The following INSR variants were observed in gnomAD, a reference collection of about 807,000 sequenced individuals.
The protein encoded by INSR is insulin receptor.
In INSR, 67 loss-of-function variants were observed where a neutral mutation model predicts 142.6. The ratio of observed to expected loss-of-function variants is 0.47; its 90% CI spans 0.39 to 0.58. The LOEUF (loss-of-function observed/expected upper bound fraction) is 0.58. Among genes scored for constraint, INSR ranks in the 20% least tolerant of loss-of-function variants. The pLI is 0.00. For synonymous variants in INSR, 756 were observed against 743.1 expected (o/e 1.02, Z -0.28); for missense variants, 1,248 against 1,833.2 (o/e 0.68, Z 5.83).
rs964570466 is a variant in INSR, at chr19:7,116,551, A to G, written c.*505T>C. On this transcript the variant is annotated 3_prime_UTR_variant, in exon 22 of 22. Coordinates refer to ENST00000302850, the MANE Select transcript of INSR (RefSeq NM_000208.4). ...CCTTCAGCCTGGATGAGAGAAAAAA[A>G]AAAAACCAAAAAAACCATCTTGAAG... is the stretch of plus-strand genomic sequence containing the variant. The G allele has an allele frequency of 6.6e-6, 1 of 151,980 alleles. No homozygotes were observed. The highest frequency in any genetic ancestry group is 1.9e-4 in the East Asian group (1 of 5,144). 9.4% of individuals were successfully genotyped at this position (151,980 alleles called of 1,614,324 possible).
chr19:7,235,178 T>G (rs1976119099), intron 2 of INSR, among the ~76,000 whole-genome samples: 1 of 152,142 alleles, frequency 6.6e-6, no homozygotes, highest in Non-Finnish European at 1.5e-5. Context: ...TGACTTCTCC[T>G]TTGGCACTTA....
chr19:7,270,167 C>A (rs1967869453), intron 1 of INSR, among the ~76,000 whole-genome samples: 1 of 152,072 alleles, frequency 6.6e-6, no homozygotes. Flanking sequence ...CCAGGATGAT[C>A]CTGATCTCCT....
At chr19:7,158,981 C>T (rs1973683516) in intron 9 of INSR, among the ~76,000 whole-genome samples, 1 of 152,102 alleles carries the variant, frequency 6.6e-6, no homozygotes, top group South Asian at 2.1e-4. Flanking sequence ...CGGCTCACTG[C>T]AACCTCTGCC....
chr19:7,221,048 G>T (rs1051282875), intron 2 of INSR, among the ~76,000 whole-genome samples: 7 of 152,142 alleles, frequency 4.6e-5, no homozygotes, highest in African/African-American at 1.7e-4. Context: ...CCTGCTCCCT[G>T]TCAGGACTCT....
intron 2 of INSR, among the ~76,000 whole-genome samples, chr19:7,250,493 G>A (rs1976689928): frequency 6.8e-6 from 1 of 146,882 alleles, no homozygotes; most frequent in Non-Finnish European, 1.5e-5. Context: ...GAGAAGGAAG[G>A]AAGGAAAGAG....
Position 7,245,481 on chromosome 19 carries a change from G to A in INSR, c.652+21864C>T, listed in dbSNP as rs563891984. Among the ~76,000 whole-genome samples, 8 of 152,070 alleles carry A rather than the reference G, an allele frequency of 5.3e-5. No individual in the cohort carries two copies. The South Asian group carries it at 1.7e-3, about 32-fold the overall frequency. On this transcript the variant is annotated intron_variant, in intron 2 of 21. Transcript: ENST00000302850. ...ATTCTTTTTTTGAAGACAGAATCTC[G>A]CTCTGTCACCCAGACTCAAGTGCAG...
At chr19:7,135,296 T>C (rs937856318) in intron 13 of INSR, among the ~76,000 whole-genome samples, 6 of 134,504 alleles carry the variant, frequency 4.5e-5, no homozygotes, top group Non-Finnish European at 9.4e-5. Context: ...AAAGGGGAAA[T>C]GCATCTTCTT....
intron 2 of INSR, among the ~76,000 whole-genome samples, chr19:7,195,687 T>A (rs1974725766): frequency 6.6e-6 from 1 of 150,540 alleles, no homozygotes. Flanking sequence ...TAAAAGCCAA[T>A]GTTGGGAAAG....
chr19:7,168,128 T>TGA lies in INSR; in HGVS notation c.1484-35_1484-34insTC. On this transcript the variant is annotated intron_variant, in intron 6 of 21. Transcript: ENST00000302850. This position sits in a 1 kb window ranked among gnomAD's most constrained non-coding sequence, Gnocchi z 4.3. ...GTTAAAACAAAAGGCAAAAATGAGC[T>TGA]ATTTCAGTGTAGTTTCAGACCAAAG... 1 of 1,610,850 alleles carries TGA rather than the reference T, an allele frequency of 6.2e-7. No individual in the cohort carries two copies. The highest frequency in any genetic ancestry group is 8.5e-7 in the Non-Finnish European group (1 of 1,177,772).
At chr19:7,180,900 G>A (rs962768444) in intron 3 of INSR, among the ~76,000 whole-genome samples, 2 of 152,070 alleles carry the variant, frequency 1.3e-5, no homozygotes, top group Admixed American at 1.3e-4. Flanking sequence ...GGAAGCCACC[G>A]GAGGGTTTTA....
chr19:7,125,436 G>A lies in INSR; in HGVS notation c.3105C>T (p.Gly1035=). Residue 1035 remains glycine (G), a synonymous_variant, in exon 17 of 22, where the codon GGC becomes GGT. Coordinates refer to ENST00000302850, the MANE Select transcript of INSR (RefSeq NM_000208.4). This position sits in a 1 kb window ranked among gnomAD's most constrained non-coding sequence, Gnocchi z 4.9. ...CCCTGGCATTGCCCTCATACACCAT[G>A]CCGAAGGAGCCCTGCCCCAGCTCTC... ...LLRELGQGSF[G]MVYEGNARDI... The A allele has an allele frequency of 1.2e-6, 2 of 1,614,114 alleles. No individual in the cohort carries two copies. Among genetic ancestry groups the A allele is most frequent in the East Asian group, 4.5e-5 (2 of 44,868 alleles).
chr19:7,134,267 T>A (rs11669671), intron 13 of INSR, among the ~76,000 whole-genome samples: 20,696 of 152,194 alleles, frequency 0.14, 1,580 homozygotes, highest in African/African-American at 0.2. Context: ...GCAGAATATT[T>A]TTGCCATGTA....
chr19:7,293,258 C>T (rs1438534740), intron 1 of INSR, among the ~76,000 whole-genome samples: 2 of 152,226 alleles, frequency 1.3e-5, no homozygotes, highest in African/African-American at 4.8e-5. Flanking sequence ...GACCTAGAGT[C>T]CGGGGTGGCC....
chr19:7,162,777 G>A (rs927781748), intron 9 of INSR, among the ~76,000 whole-genome samples: 6 of 151,946 alleles, frequency 3.9e-5, no homozygotes, highest in Admixed American at 6.6e-5. Flanking sequence ...CCAAGGTCGC[G>A]TCATTGCACT....
rs1973631398 is a variant in INSR at position 7,157,654 on chromosome 19, C to T, written c.2030-4727G>A. Among the ~76,000 whole-genome samples, 5 of 152,084 alleles carry T rather than the reference C, an allele frequency of 3.3e-5. No individual in the cohort carries two copies. In the South Asian group the frequency reaches 8.3e-4, roughly 25 times the overall value. On this transcript the variant is annotated intron_variant, in intron 9 of 21. Transcript: ENST00000302850. The stretch of plus-strand genomic sequence containing the variant: ...ACCCACGGTGCAAGCACAGTTATGC[C>T]TCTGGTACAGCCACTGAGATGGACG...
At position 7,257,527 on chromosome 19, in the gene INSR, C is replaced by CAAA. The variant is rs55712056; in HGVS notation, c.652+9815_652+9817dup. Among the ~76,000 whole-genome samples the CAAA allele has an allele frequency of 2.0e-4, 17 of 85,186 alleles. No individual in the cohort carries two copies. In the East Asian group the frequency reaches 3.1e-3, roughly 16 times the overall value. 55.9% of individuals were successfully genotyped at this position (85,186 alleles called of 152,430 possible). A position where few individuals can be genotyped will look rare whatever the true frequency, so the allele number is the denominator to read the frequency against. On this transcript the variant is annotated intron_variant, in intron 2 of 21. Transcript: ENST00000302850. The stretch of plus-strand genomic sequence containing the variant: ...CCTCCTCCACCCAAACAGAGAGCTC[C>CAAA]AAAAAAAAAAAAAAAAAATGCTAAT...
At chr19:7,195,728 A>C (rs563532047) in intron 2 of INSR, among the ~76,000 whole-genome samples, 5 of 152,036 alleles carry the variant, frequency 3.3e-5, no homozygotes, top group Admixed American at 6.6e-5. Context: ...GTGCGGACTT[A>C]AGAGACAGCA....
At chr19:7,178,246 G>C (rs557380378) in intron 3 of INSR, among the ~76,000 whole-genome samples, 9 of 126,564 alleles carry the variant, frequency 7.1e-5, no homozygotes, top group Middle Eastern at 3.8e-3. Context: ...TGACTTGTGG[G>C]GGGGGGGGTG....
In INSR at chr19:7,117,109, C is replaced by T; in HGVS notation, c.4096G>A (p.Gly1366Arg). 3 of 1,614,112 alleles carry T rather than the reference C, an allele frequency of 1.9e-6. No homozygotes were observed. The highest frequency in any genetic ancestry group is 2.2e-5 in the East Asian group (1 of 44,880). Residue 1366 changes from glycine (G) to arginine (R), a missense_variant, in exon 22 of 22, where the codon GGA (glycine) becomes AGA (arginine). This residue lies in a region of INSR where 122 missense variants were observed against 129.8 expected (regional missense o/e 0.94). Transcript: ENST00000302850. ...EEHIPYTHMN[G>R]GKKNGRILTL... is the part of the protein sequence containing the mutation. ...AGAATCCGCCCGTTTTTCTTGCCTCCGTTCATGTGTGTGTAAGGGATGTGT... is the reference window on the plus strand; with the variant it reads ...AGAATCCGCCCGTTTTTCTTGCCTCTGTTCATGTGTGTGTAAGGGATGTGT...
Sources: gnomAD v4.1 joint callset for allele counts (sites outside exome capture counted in the v4.1 genomes callset) on GRCh38, gnomAD v4.1.1 for gene constraint, gnomAD v4.1.1 regional missense constraint, Gnocchi (gnomAD v3.1) non-coding constraint, MANE v1.5 for transcripts, NCBI Gene and HGNC (gene_info 2026-07-23, HGNC 2026-07-21) for gene names.